The following RNF180 variants were observed in gnomAD, a reference collection of about 807,000 sequenced individuals.
The protein encoded by RNF180 is E3 ubiquitin-protein ligase RNF180.
RNF180 carries 38 observed loss-of-function variants against 59.2 expected under a neutral mutation model. The ratio of observed to expected loss-of-function variants is 0.64; its 90% CI spans 0.50 to 0.84. The LOEUF is 0.84. Ranked by LOEUF, RNF180 falls within the 40% of genes least tolerant of loss-of-function variation. RNF180 has a pLI of 0.00. For missense variants in RNF180, 705 were observed against 700.9 expected (o/e 1.01, Z -0.07); for synonymous variants, 262 against 240.3 (o/e 1.09, Z -0.84).
chr5:64,236,372 C>A (rs112309181), intron 5 of RNF180, among the ~76,000 whole-genome samples: 45 of 152,180 alleles, frequency 3.0e-4, no homozygotes, highest in African/African-American at 9.6e-4. Context: ...GAAGAAATTT[C>A]GAAGCAGCAA....
chr5:64,243,647 G>T (rs1742963712), intron 5 of RNF180, among the ~76,000 whole-genome samples: 1 of 152,162 alleles, frequency 6.6e-6, no homozygotes, highest in African/African-American at 2.4e-5. Flanking sequence ...GGGGGAAGGG[G>T]TGGCTGTGGG....
chr5:64,364,953 CTCTTT>C (rs1395244695), intron 7 of RNF180, among the ~76,000 whole-genome samples: 1 of 150,058 alleles, frequency 6.7e-6, no homozygotes, highest in Non-Finnish European at 1.5e-5. Flanking sequence ...CTTGGATCTT[CTCTTT>C]TATTATTTAC....
chr5:64,313,086 C>A (rs1288220130), intron 5 of RNF180, among the ~76,000 whole-genome samples: 1 of 152,008 alleles, frequency 6.6e-6, no homozygotes, highest in Non-Finnish European at 1.5e-5. Context: ...AGATAGGACC[C>A]AAGTCTAAAC....
At chr5:64,325,495 C>T in intron 6 of RNF180, 84 bp downstream of exon 6, 1 of 982,664 alleles carries the variant, frequency 1.0e-6, no homozygotes, top group South Asian at 1.5e-5. Flanking sequence ...TAAAAAGTTA[C>T]TGAAAATCAC....
In RNF180 at chr5:64,345,987, A is replaced by AT. The variant is rs139053855; in HGVS notation, c.1579+15590dup. ...AGGAAATTACAGTTTGCAATCATTGATTTTTTTTTAGGGAAAGTAAAATTT... is the reference window on the plus strand; with the variant it reads ...AGGAAATTACAGTTTGCAATCATTGATTTTTTTTTTAGGGAAAGTAAAATTT... On this transcript the variant is annotated intron_variant, in intron 7 of 7. Coordinates refer to ENST00000389100, the MANE Select transcript of RNF180 (RefSeq NM_001113561.2). Among the ~76,000 whole-genome samples the AT allele has an allele frequency of 2.0e-4, 30 of 151,338 alleles. No individual in the cohort carries two copies. In the South Asian group the frequency reaches 2.9e-3, roughly 15 times the overall value.
chr5:64,353,340 A>T (rs1745890665), intron 7 of RNF180, among the ~76,000 whole-genome samples: 1 of 151,824 alleles, frequency 6.6e-6, no homozygotes, highest in African/African-American at 2.4e-5. Context: ...AATGCTATTA[A>T]AGTAAAACAA....
At chr5:64,350,006 G>A (rs1342062149) in intron 7 of RNF180, among the ~76,000 whole-genome samples, 3 of 152,106 alleles carry the variant, frequency 2.0e-5, no homozygotes, top group African/African-American at 7.2e-5. Flanking sequence ...CTTCCACAAT[G>A]GTTGAACTAG....
At chr5:64,331,694 A>T (rs1160469361) in intron 7 of RNF180, among the ~76,000 whole-genome samples, 1 of 152,136 alleles carries the variant, frequency 6.6e-6, no homozygotes, top group Admixed American at 6.5e-5. Context: ...AGAACTCAGG[A>T]CCTGCTGAGT....
intron 2 of RNF180, among the ~76,000 whole-genome samples, chr5:64,209,137 C>G (rs1752176949): frequency 1.3e-5 from 2 of 151,890 alleles, no homozygotes; most frequent in African/African-American, 4.8e-5. Context: ...TTTCAGTGTT[C>G]TTATCTGTAA....
intron 5 of RNF180, among the ~76,000 whole-genome samples, chr5:64,236,662 C>G (rs1427310891): frequency 6.6e-6 from 1 of 152,174 alleles, no homozygotes; most frequent in Admixed American, 6.5e-5. Flanking sequence ...GTGGCAGCCC[C>G]TCCCATCACA....
chr5:64,343,097 T>C (rs1199406025), intron 7 of RNF180, among the ~76,000 whole-genome samples: 1 of 152,010 alleles, frequency 6.6e-6, no homozygotes, highest in African/African-American at 2.4e-5. Context: ...AAAATTATGA[T>C]ATATGCAAAA....
intron 1 of RNF180, among the ~76,000 whole-genome samples, chr5:64,182,324 A>C (rs1248265409): frequency 6.6e-6 from 1 of 152,194 alleles, no homozygotes; most frequent in Non-Finnish European, 1.5e-5. Context: ...AATTTCACAA[A>C]ATGAATCAAT....
rs1308131606 is a variant in RNF180, at chr5:64,214,163, C to T, written c.837C>T (p.Ser279=). The change falls in exon 4 of 8, where the codon TCC becomes TCT. Residue 279 remains serine (S), a synonymous_variant. Coordinates refer to ENST00000389100, the MANE Select transcript of RNF180 (RefSeq NM_001113561.2). ...LPLQSSKNSY[S]FQNPSSFDPS... ...TACAATCTAGTAAAAATAGCTATTC[C>T]TTTCAGAATCCATCCAGTTTTGATC... 6.2e-7 allele frequency: 1 copy of T among 1,614,088 alleles called. No individual in the cohort carries two copies. Among genetic ancestry groups the T allele is most frequent in the Non-Finnish European group, 8.5e-7 (1 of 1,180,004 alleles).
intron 5 of RNF180, among the ~76,000 whole-genome samples, chr5:64,224,062 G>GGTGTGTGTGTGT (rs10694125): frequency 5.7e-5 from 8 of 141,348 alleles, no homozygotes; most frequent in South Asian, 2.3e-4. Flanking sequence ...TCTAGGTTGG[G>GGTGTGTGTGTGT]GTGTGTGTGT....
intron 1 of RNF180, among the ~76,000 whole-genome samples, chr5:64,178,925 G>A (rs542634999): frequency 6.6e-6 from 1 of 152,212 alleles, no homozygotes; most frequent in East Asian, 1.9e-4. Flanking sequence ...GCAGGTTTAA[G>A]ATGAGGCCTG....
intron 5 of RNF180, among the ~76,000 whole-genome samples, chr5:64,260,226 C>A (rs543553759): frequency 5.9e-5 from 9 of 152,226 alleles, no homozygotes; most frequent in African/African-American, 2.2e-4. Flanking sequence ...AATTAATGGG[C>A]CCTCGTGGCA....
At chr5:64,186,295 ATACT>A (rs923786904) in intron 1 of RNF180, among the ~76,000 whole-genome samples, 3 of 152,154 alleles carry the variant, frequency 2.0e-5, no homozygotes, top group Admixed American at 1.3e-4. Flanking sequence ...AATCAGACAA[ATACT>A]TATTATCAAC....
At position 64,317,330 on chromosome 5, in the gene RNF180, A is replaced by C. The variant is rs116356080; in HGVS notation, c.1228-7856A>C. Among the ~76,000 whole-genome samples, 1,361 of 152,232 alleles carry C rather than the reference A, an allele frequency of 8.9e-3. 22 individuals are homozygous for C. The highest frequency in any genetic ancestry group is 0.03 in the African/African-American group (1,229 of 41,544). On this transcript the variant is annotated intron_variant, in intron 5 of 7. Coordinates refer to ENST00000389100, the MANE Select transcript of RNF180 (RefSeq NM_001113561.2). ...AGTCTATTAAGTGTGCAATAGTATTATGTGTAAAAAATGTATGTCTTAGTT... is the reference window on the plus strand; with the variant it reads ...AGTCTATTAAGTGTGCAATAGTATTCTGTGTAAAAAATGTATGTCTTAGTT...
chr5:64,182,205 A>G (rs1415489996), intron 1 of RNF180, among the ~76,000 whole-genome samples: 1 of 151,930 alleles, frequency 6.6e-6, no homozygotes, highest in Non-Finnish European at 1.5e-5. Context: ...GTTAGCCAGG[A>G]TGGTCTTGAT....
Sources: gnomAD v4.1 joint callset for allele counts (sites outside exome capture counted in the v4.1 genomes callset) on GRCh38, gnomAD v4.1.1 for gene constraint, MANE v1.5 for transcripts, NCBI Gene and HGNC (gene_info 2026-07-23, HGNC 2026-07-21) for gene names.